EHBP1: variants seen among roughly 807,000 people sequenced by gnomAD.
The protein encoded by EHBP1 is EH domain-binding protein 1.
A neutral mutation model predicts 144.0 loss-of-function variants in EHBP1; 55 were observed. The ratio of observed to expected loss-of-function variants is 0.38; its 90% CI spans 0.31 to 0.48. EHBP1 has a LOEUF of 0.48. EHBP1 is among the 20% of genes least tolerant of loss of function. The pLI, the probability that EHBP1 is intolerant of heterozygous loss-of-function variation, is 0.98. For missense variants in EHBP1, 1,200 were observed against 1,364.2 expected (o/e 0.88, Z 1.90); for synonymous variants, 469 against 472.7 (o/e 0.99, Z 0.10).
At chr2:62,695,903 G>C (rs1256183642) in intron 1 of EHBP1, among the ~76,000 whole-genome samples, 1 of 151,980 alleles carries the variant, frequency 6.6e-6, no homozygotes, top group Non-Finnish European at 1.5e-5. Flanking sequence ...TGTAGAGACA[G>C]GGTTTTGACA....
chr2:62,900,694 A>G (rs2053339458), intron 10 of EHBP1, among the ~76,000 whole-genome samples: 1 of 150,292 alleles, frequency 6.7e-6, no homozygotes. Context: ...GTATATATAT[A>G]TATATATATT....
chr2:62,925,965 A>G (rs1226569316), intron 10 of EHBP1, among the ~76,000 whole-genome samples: 5 of 152,168 alleles, frequency 3.3e-5, no homozygotes, highest in Non-Finnish European at 5.9e-5. Flanking sequence ...AGCAAAAATA[A>G]CCAAGCTGGA....
At chr2:62,842,086 C>A (rs1319139881) in intron 7 of EHBP1, among the ~76,000 whole-genome samples, 6 of 151,556 alleles carry the variant, frequency 4.0e-5, no homozygotes, top group Non-Finnish European at 8.8e-5. Flanking sequence ...AACTTGCTCC[C>A]TCAAAGCCTT....
At position 63,045,375 on chromosome 2, in the gene EHBP1, TTGTTTCCTGTTTGTCC is replaced by T. The variant is rs755846124; in HGVS notation, c.3393-29_3393-14del. On this transcript the variant is annotated intron_variant, in intron 22 of 22. Transcript: ENST00000431489. This position sits in a 1 kb window ranked among gnomAD's most constrained non-coding sequence, Gnocchi z 5.7. ...CTGCCCTCCACGAAGAAAAATAATT[TTGTTTCCTGTTTGTCC>T]TGTTTGTCTGACATCCAGGGCCGAA... 6.3e-7 allele frequency: 1 copy of T among 1,598,358 alleles called. No homozygotes were observed. The highest frequency in any genetic ancestry group is 8.6e-7 in the Non-Finnish European group (1 of 1,165,848).
At chr2:62,805,815 A>G in intron 5 of EHBP1, among the ~76,000 whole-genome samples, 1 of 151,734 alleles carries the variant, frequency 6.6e-6, no homozygotes, top group East Asian at 1.9e-4. Context: ...CTGCACCCAG[A>G]CTGTATATTT....
intron 5 of EHBP1, among the ~76,000 whole-genome samples, chr2:62,789,675 A>G (rs1005306487): frequency 1.3e-5 from 2 of 152,230 alleles, no homozygotes; most frequent in African/African-American, 4.8e-5. Context: ...CAATGCATAC[A>G]TCTTCCAACC....
intron 1 of EHBP1, among the ~76,000 whole-genome samples, chr2:62,696,563 G>C (rs917554255): frequency 8.0e-6 from 1 of 125,354 alleles, no homozygotes; most frequent in African/African-American, 3.1e-5. Flanking sequence ...GCCCAGGCTG[G>C]AGTGCAGTGG....
chr2:62,698,176 C>G (rs1478758893), intron 1 of EHBP1, among the ~76,000 whole-genome samples: 1 of 152,278 alleles, frequency 6.6e-6, no homozygotes, highest in East Asian at 1.9e-4. Flanking sequence ...AACAATATGC[C>G]TCCTATTCTT....
chr2:62,866,314 C>T (rs2050033070), intron 9 of EHBP1, among the ~76,000 whole-genome samples: 1 of 152,170 alleles, frequency 6.6e-6, no homozygotes, highest in Non-Finnish European at 1.5e-5. Context: ...AAAACTCCAG[C>T]ACACAAAACA....
chr2:62,835,586 G>C (rs945832848), intron 7 of EHBP1, among the ~76,000 whole-genome samples: 1 of 152,132 alleles, frequency 6.6e-6, no homozygotes, highest in Admixed American at 6.5e-5. Flanking sequence ...GGTACTGGGT[G>C]CATCTCACTA....
intron 7 of EHBP1, among the ~76,000 whole-genome samples, chr2:62,834,474 A>G (rs1467072565): frequency 6.6e-6 from 1 of 152,226 alleles, no homozygotes; most frequent in Non-Finnish European, 1.5e-5. Context: ...ACCAACACCA[A>G]AAAGATTATC....
intron 10 of EHBP1, among the ~76,000 whole-genome samples, chr2:62,905,519 T>A (rs192674815): frequency 3.9e-5 from 6 of 152,150 alleles, no homozygotes; most frequent in Admixed American, 2.0e-4. Context: ...TATAATCAGG[T>A]ACATGCTTGA....
intron 7 of EHBP1, 141 bp from the exon 8 acceptor site, chr2:62,859,028 G>T: frequency 1.5e-6 from 1 of 674,924 alleles, no homozygotes; most frequent in Non-Finnish European, 2.3e-6. Context: ...TACTTGAATG[G>T]CATTCTGTCA....
At chr2:62,809,844 CA>C (rs951471403) in intron 5 of EHBP1, among the ~76,000 whole-genome samples, 24 of 152,076 alleles carry the variant, frequency 1.6e-4, no homozygotes, top group Middle Eastern at 3.4e-3. Context: ...AAAATACCTC[CA>C]AAAAAAATTT....
At chr2:62,861,156 G>A (rs1284466727) in intron 8 of EHBP1, among the ~76,000 whole-genome samples, 1 of 122,274 alleles carries the variant, frequency 8.2e-6, no homozygotes, top group Non-Finnish European at 1.6e-5. Flanking sequence ...TTGAGACAGA[G>A]TCTCGCCCTG....
chr2:62,797,037 T>C (rs954278459), intron 5 of EHBP1, among the ~76,000 whole-genome samples: 2 of 152,226 alleles, frequency 1.3e-5, no homozygotes, highest in Non-Finnish European at 2.9e-5. Context: ...TCTGTTGTTA[T>C]AAAGAGACAA....
chr2:62,959,812 GTTTC>G (rs1401803324), intron 14 of EHBP1, among the ~76,000 whole-genome samples: 7 of 152,110 alleles, frequency 4.6e-5, no homozygotes, highest in African/African-American at 7.2e-5. Flanking sequence ...TACTTTAGCA[GTTTC>G]TTTATTTTAT....
chr2:62,840,930 G>T (rs1234182033), intron 7 of EHBP1, among the ~76,000 whole-genome samples: 1 of 152,094 alleles, frequency 6.6e-6, no homozygotes, highest in Non-Finnish European at 1.5e-5. Context: ...AAGTCAGTGT[G>T]GTGATTCCTC....
At chr2:63,004,878 A>AC (rs1176619097) in intron 19 of EHBP1, among the ~76,000 whole-genome samples, 2 of 151,890 alleles carry the variant, frequency 1.3e-5, no homozygotes, top group Admixed American at 6.6e-5. Flanking sequence ...CTCTGTTCCC[A>AC]CCCCCTTACC....
Sources: allele counts gnomAD v4.1 joint callset (sites outside exome capture counted in the v4.1 genomes callset), GRCh38; gene constraint gnomAD v4.1.1; non-coding constraint Gnocchi (gnomAD v3.1); transcripts MANE v1.5; gene names NCBI Gene and HGNC (gene_info 2026-07-23, HGNC 2026-07-21).